KEL: variants seen among roughly 807,000 people sequenced by gnomAD.
The protein encoded by KEL is Kell metallo-endopeptidase (Kell blood group), also known as kell blood group glycoprotein.
KEL carries 96 observed loss-of-function variants against 99.5 expected under a neutral mutation model. The observed-to-expected ratio is 0.97, with a 90% CI of 0.82 to 1.14. The LOEUF (loss-of-function observed/expected upper bound fraction) is 1.14, where lower values mean the gene tolerates loss of function less well. KEL is among the 50% of genes most tolerant of loss of function. KEL has a pLI of 0.00. For synonymous variants in KEL, 355 were observed against 354.8 expected (o/e 1.00, Z -0.01); for missense variants, 926 against 924.2 (o/e 1.00, Z -0.03).
At chr7:142,946,911 T>G (rs1796548884) in intron 10 of KEL, among the ~76,000 whole-genome samples, 1 of 152,140 alleles carries the variant, frequency 6.6e-6, no homozygotes, top group African/African-American at 2.4e-5. Flanking sequence ...AGTGTATAAA[T>G]TCATAGAGCT....
chr7:142,958,356 GTAT>G lies in KEL; in HGVS notation c.470_472del (p.Asp157_Thr158delinsAla), dbSNP rs1796879219. On this transcript the variant is annotated inframe_deletion, in exon 5 of 19. Transcript: ENST00000355265. ...AGTCCCTGCAGCTTCAATGGCAAGT[GTAT>G]CCATGCAGGAGTTGTAGAACTGGAA... 6.2e-7 allele frequency: 1 copy of G among 1,613,968 alleles called. No homozygotes were observed. The highest frequency in any genetic ancestry group is 1.3e-5 in the African/African-American group (1 of 74,904).
At chr7:142,946,484 A>G (rs1796534112) in intron 10 of KEL, 167 bp from the exon 11 acceptor site, 1 of 655,482 alleles carries the variant, frequency 1.5e-6, no homozygotes. Context: ...CGATCAGTAC[A>G]AGAAAAGCAC....
intron 4 of KEL, 24 bp from the exon 5 acceptor site, chr7:142,958,452 G>A (rs1353351660): frequency 1.2e-6 from 2 of 1,612,538 alleles, no homozygotes; most frequent in Non-Finnish European, 1.7e-6. Context: ...ATGGGAGTGA[G>A]GACTAAACTC....
Position 142,954,220 on chromosome 7 carries a change from G to A in KEL, c.888C>T (p.Gly296=). The change falls in exon 8 of 19, where the codon GGC becomes GGT. Residue 296 remains glycine, a synonymous_variant. Coordinates refer to ENST00000355265, the MANE Select transcript of KEL (RefSeq NM_000420.3). ...CGATAGTGACCATCTGGAAGAGCTT[G>A]CCCTGTGCCCGCCGCTGCTCCAGGG... ...LRPLEQRRAQ[G]KLFQMVTIDQ... 2 of 1,612,754 alleles carry A rather than the reference G, an allele frequency of 1.2e-6. No homozygotes were observed. The highest frequency in any genetic ancestry group is 1.7e-6 in the Non-Finnish European group (2 of 1,179,988).
At chr7:142,957,399 G>T (rs1796852122) in intron 6 of KEL, among the ~76,000 whole-genome samples, 1 of 152,170 alleles carries the variant, frequency 6.6e-6, no homozygotes, top group South Asian at 2.1e-4. Context: ...CTTTACTAAA[G>T]ATTAGGGACT....
Position 142,954,215 on chromosome 7 carries a change from A to G in KEL, c.893T>C (p.Leu298Pro), listed in dbSNP as rs1377249682. The change falls in exon 8 of 19, where the codon CTC (leucine) becomes CCC (proline). Residue 298 changes from leucine (L) to proline (P), a missense_variant. Physicochemically the swap from Leu to Pro is moderately conservative, Grantham distance 98 (BLOSUM62 -3). Transcript: ENST00000355265. ...CTGGTCGATAGTGACCATCTGGAAG[A>G]GCTTGCCCTGTGCCCGCCGCTGCTC... ...PLEQRRAQGK[L>P]FQMVTIDQLK... The G allele has an allele frequency of 1.2e-6, 2 of 1,612,328 alleles. No homozygotes were observed. Among genetic ancestry groups the G allele is most frequent in the African/African-American group, 1.3e-5 (1 of 74,900 alleles).
intron 6 of KEL, 70 bp from the exon 7 acceptor site, chr7:142,954,597 G>A (rs1657838505): frequency 7.5e-7 from 1 of 1,336,546 alleles, no homozygotes; most frequent in Non-Finnish European, 1.1e-6. Context: ...GGGGAGGTGG[G>A]GAATATACCA....
At chr7:142,948,669 T>C (rs1195494732) in intron 10 of KEL, among the ~76,000 whole-genome samples, 2 of 152,102 alleles carry the variant, frequency 1.3e-5, no homozygotes, top group African/African-American at 4.8e-5. Flanking sequence ...GCCAAAATGA[T>C]AAAAATTCTT....
Position 142,946,231 on chromosome 7 carries a change from G to GTTCGGGT in KEL, c.1289_1290insACCCGAA (p.Phe431ProfsTer34). The GTTCGGGT allele has an allele frequency of 6.2e-7, 1 of 1,613,944 alleles. No homozygotes were observed. The highest frequency in any genetic ancestry group is 1.1e-5 in the South Asian group (1 of 91,066). ...CAGCACTTCGGGTGCTCGGGCCAAA[G>GTTCGGGT]GCCTCACGAACAAACAAAGCCGCCA... On this transcript the variant is annotated frameshift_variant, in exon 11 of 19. Coordinates refer to ENST00000355265, the MANE Select transcript of KEL (RefSeq NM_000420.3). LOFTEE classifies it high-confidence loss of function.
At position 142,962,347 on chromosome 7, in the gene KEL, C is replaced by G; in HGVS notation, c.-141G>C. ...ACTTCTGCTGCTCTTTCGCCTTGTC[C>G]CCAGACACACAGGACTGGCCTCTGG... is the stretch of plus-strand genomic sequence containing the variant. On this transcript the variant is annotated 5_prime_UTR_variant, in exon 1 of 19. Coordinates refer to ENST00000355265, the MANE Select transcript of KEL (RefSeq NM_000420.3). 1.0e-6 allele frequency: 1 copy of G among 953,996 alleles called. No homozygotes were observed. Among genetic ancestry groups the G allele is most frequent in the Non-Finnish European group, 1.7e-6 (1 of 595,378 alleles). 59.1% of individuals were successfully genotyped at this position (953,996 alleles called of 1,614,324 possible).
chr7:142,942,116 C>A, intron 18 of KEL: 1 of 423,410 alleles, frequency 2.4e-6, no homozygotes, highest in Non-Finnish European at 4.3e-6. Context: ...ACCACAGGCT[C>A]ATTTTTAAGG....
Position 142,954,366 on chromosome 7 carries a change from G to A in KEL, c.742C>T (p.Arg248Trp), listed in dbSNP as rs61728832. The A allele has an allele frequency of 2.9e-5, 47 of 1,614,014 alleles. No individual in the cohort carries two copies. The East Asian group carries it at 6.5e-4, about 22-fold the overall frequency. ...QEQKIYAQIF[R>W]EYLTYLNQLG... The stretch of plus-strand genomic sequence containing the variant: ...TGATTCAGGTAAGTCAGGTATTCCC[G>A]AAAGATCTGGAGGAAGGAAATGTCA... The change falls in exon 8 of 19, where the codon CGG becomes TGG. Residue 248 changes from arginine (R) to tryptophan (W), a missense_variant. By Grantham distance (101) the Arg-to-Trp change is moderately radical (BLOSUM62 -3). Coordinates refer to ENST00000355265, the MANE Select transcript of KEL (RefSeq NM_000420.3).
intron 10 of KEL, 92 bp downstream of exon 10, chr7:142,952,417 C>T: frequency 6.6e-7 from 1 of 1,521,130 alleles, no homozygotes; most frequent in Non-Finnish European, 9.1e-7. Flanking sequence ...ATCACGGCCC[C>T]CTCCCTGAGA....
At chr7:142,952,761 A>G in intron 9 of KEL, 123 bp from the exon 10 acceptor site, 1 of 1,159,338 alleles carries the variant, frequency 8.6e-7, no homozygotes, top group Non-Finnish European at 1.2e-6. Context: ...CTGTATTAAT[A>G]AGTGTTTTAA....
Position 142,944,681 on chromosome 7 carries a change from A to T in KEL, c.1375T>A (p.Trp459Arg), listed in dbSNP as rs1796470752. The change falls in exon 12 of 19, where the codon TGG (tryptophan) becomes AGG (arginine). Residue 459 changes from tryptophan to arginine, a missense_variant. Trp to Arg is a moderately radical substitution (Grantham distance 101). Coordinates refer to ENST00000355265, the MANE Select transcript of KEL (RefSeq NM_000420.3). ...ALITRLRNLP[W>R]MNEETQNMAQ... Reference sequence around the variant, plus strand: ...ATGTTCTGGGTCTCCTCATTCATCCAGGGAAGGTTTCTGAGGCGAGTGATG... The same window carrying T: ...ATGTTCTGGGTCTCCTCATTCATCCTGGGAAGGTTTCTGAGGCGAGTGATG... The T allele has an allele frequency of 3.7e-6, 6 of 1,614,126 alleles. No homozygotes were observed. Among genetic ancestry groups the T allele is most frequent in the Non-Finnish European group, 4.2e-6 (5 of 1,180,004 alleles).
intron 10 of KEL, among the ~76,000 whole-genome samples, chr7:142,951,549 G>A (rs939410356): frequency 7.2e-5 from 11 of 152,010 alleles, no homozygotes; most frequent in African/African-American, 1.7e-4. Flanking sequence ...CTTATCTTTC[G>A]TGCCTCTGTC....
intron 9 of KEL, 106 bp from the exon 10 acceptor site, chr7:142,952,744 T>G: frequency 1.5e-5 from 19 of 1,274,270 alleles, no homozygotes; most frequent in Non-Finnish European, 2.1e-5. Context: ...AGGCAGCTCC[T>G]TCTCCTCTGT....
At chr7:142,959,382 A>T (rs780404886) in intron 4 of KEL, among the ~76,000 whole-genome samples, 2 of 152,168 alleles carry the variant, frequency 1.3e-5, no homozygotes, top group East Asian at 1.9e-4. Flanking sequence ...GAAAGCAGGG[A>T]AAGAGAATGA....
chr7:142,942,746 T>C, intron 17 of KEL, 129 bp downstream of exon 17: 1 of 1,207,510 alleles, frequency 8.3e-7, no homozygotes, highest in Non-Finnish European at 1.2e-6. Context: ...TTGCCGTCTA[T>C]TCAGTGGGGA....
Sources: gnomAD v4.1 joint callset for allele counts (sites outside exome capture counted in the v4.1 genomes callset) on GRCh38, gnomAD v4.1.1 for gene constraint, MANE v1.5 for transcripts, NCBI Gene and HGNC (gene_info 2026-07-23, HGNC 2026-07-21) for gene names.